The following MAP2K1 variants were observed in gnomAD, a reference collection of about 807,000 sequenced individuals.
MAP2K1 encodes mitogen-activated protein kinase kinase 1, also known as dual specificity mitogen-activated protein kinase kinase 1.
A neutral mutation model predicts 46.3 loss-of-function variants in MAP2K1; 16 were observed. The observed-to-expected ratio is 0.35, with a 90% confidence interval of 0.23 to 0.52. The LOEUF is 0.52. Ranked by LOEUF, MAP2K1 falls within the 20% of genes least tolerant of loss-of-function variation. MAP2K1 has a pLI of 0.94. For missense variants in MAP2K1, 263 were observed against 497.1 expected (o/e 0.53, Z 4.48); for synonymous variants, 183 against 185.6 (o/e 0.99, Z 0.11).
At chr15:66,485,921 C>T (rs1457454866) in intron 7 of MAP2K1, among the ~76,000 whole-genome samples, 1 of 151,392 alleles carries the variant, frequency 6.6e-6, no homozygotes, top group Non-Finnish European at 1.5e-5. Context: ...GTTTTTGATA[C>T]TGGGTCTTGC....
chr15:66,460,044 T>C (rs1303736696), intron 5 of MAP2K1, among the ~76,000 whole-genome samples: 1 of 152,196 alleles, frequency 6.6e-6, no homozygotes, highest in African/African-American at 2.4e-5. Flanking sequence ...ACACAGAAGG[T>C]TGCCCATGGT....
intron 1 of MAP2K1, among the ~76,000 whole-genome samples, chr15:66,420,823 A>G (rs113426722): frequency 0.65 from 42,937 of 65,722 alleles, 16,362 homozygotes; most frequent in East Asian, 0.78. Flanking sequence ...ATGTGTATAT[A>G]TATATGTGTA....
At chr15:66,490,326 G>T (rs776533846) in intron 10 of MAP2K1, 176 bp from the exon 11 acceptor site, 21 of 707,712 alleles carry the variant, frequency 3.0e-5, no homozygotes, top group Non-Finnish European at 5.2e-5. Context: ...GCTGTGACTG[G>T]TGGAGCAGGT....
chr15:66,459,309 CA>C (rs35580857), intron 5 of MAP2K1, among the ~76,000 whole-genome samples: 96,428 of 123,060 alleles, frequency 0.78, 38,268 homozygotes, highest in East Asian at 0.99. Context: ...GACTCTGTCT[CA>C]AAAAAAAAAA....
At position 66,387,526 on chromosome 15, in the gene MAP2K1, C is replaced by CG. The variant is rs1044147889; in HGVS notation, c.80+100dup. ...AGGCTCCGATCTGGTTTGTCACGTACGTCTGGGGCTGGCAGGGGGCGAGAA... is the reference window on the plus strand; with the variant it reads ...AGGCTCCGATCTGGTTTGTCACGTACGGTCTGGGGCTGGCAGGGGGCGAGAA... On this transcript the variant is annotated intron_variant, in intron 1 of 10. Transcript: ENST00000307102. 1.7e-5 allele frequency: 21 copies of CG among 1,224,388 alleles called. No individual in the cohort carries two copies. In the African/African-American group the frequency reaches 2.9e-4, roughly 17 times the overall value. 75.8% of individuals were successfully genotyped at this position (1,224,388 alleles called of 1,614,324 possible).
chr15:66,449,321 T>A (rs1239903838), intron 5 of MAP2K1, among the ~76,000 whole-genome samples: 6 of 152,286 alleles, frequency 3.9e-5, no homozygotes, highest in Non-Finnish European at 8.8e-5. Flanking sequence ...ATAACTTCGA[T>A]GAATCTCAAA....
At position 66,491,205 on chromosome 15, in the gene MAP2K1, G is replaced by C. The variant is rs568999981; in HGVS notation, c.*590G>C. ...GAGCCCTTCACTGCCATGATAGCTG[G>C]GGCTTCACCAGTCTGTCTACTGTGG... On this transcript the variant is annotated 3_prime_UTR_variant, in exon 11 of 11. Transcript: ENST00000307102. 2.3e-5 allele frequency: 6 copies of C among 258,920 alleles called. No individual in the cohort carries two copies. The highest frequency in any genetic ancestry group is 1.2e-3 in the Middle Eastern group (1 of 858). The allele number at this position is 258,920 out of a possible 1,614,324, so 16.0% of individuals were successfully genotyped here.
At chr15:66,462,203 T>C (rs1358725622) in intron 5 of MAP2K1, among the ~76,000 whole-genome samples, 1 of 152,058 alleles carries the variant, frequency 6.6e-6, no homozygotes, top group South Asian at 2.1e-4. Context: ...CTGGGGGTTA[T>C]AATGAAATAA....
intron 1 of MAP2K1, among the ~76,000 whole-genome samples, chr15:66,426,847 A>G (rs2093460390): frequency 6.6e-6 from 1 of 152,210 alleles, no homozygotes; most frequent in African/African-American, 2.4e-5. Flanking sequence ...TAATCCTAAC[A>G]TATCCTTCTG....
At chr15:66,439,331 T>C (rs2093497277) in intron 3 of MAP2K1, among the ~76,000 whole-genome samples, 2 of 152,230 alleles carry the variant, frequency 1.3e-5, no homozygotes. Flanking sequence ...CCCAACACTT[T>C]ATTATGAAAA....
At chr15:66,437,380 A>G (rs2093491118) in intron 3 of MAP2K1, among the ~76,000 whole-genome samples, 1 of 152,218 alleles carries the variant, frequency 6.6e-6, no homozygotes, top group South Asian at 2.1e-4. Flanking sequence ...AATTAATCAT[A>G]TGCATGTTAG....
intron 1 of MAP2K1, among the ~76,000 whole-genome samples, chr15:66,427,104 A>AGT (rs2093461248): frequency 6.6e-6 from 1 of 152,230 alleles, no homozygotes; most frequent in Non-Finnish European, 1.5e-5. Context: ...TAACTAAAGG[A>AGT]GTATATACAG....
At chr15:66,421,227 C>T (rs1381137197) in intron 1 of MAP2K1, among the ~76,000 whole-genome samples, 1 of 151,730 alleles carries the variant, frequency 6.6e-6, no homozygotes, top group Non-Finnish European at 1.5e-5. Context: ...CCTTGACCTC[C>T]CGGGTTCAAG....
chr15:66,428,129 A>T (rs962040407), intron 1 of MAP2K1, among the ~76,000 whole-genome samples: 1 of 152,162 alleles, frequency 6.6e-6, no homozygotes, highest in African/African-American at 2.4e-5. Flanking sequence ...GTATCATAAA[A>T]GCATAGTTGA....
intron 1 of MAP2K1, among the ~76,000 whole-genome samples, chr15:66,402,368 C>A (rs528018667): frequency 6.6e-6 from 1 of 152,324 alleles, no homozygotes; most frequent in Non-Finnish European, 1.5e-5. Context: ...TAGTGTCTTA[C>A]TGGAGTTTAC....
rs974639903 is a variant in MAP2K1 at position 66,402,087 on chromosome 15, G to T, written c.80+14660G>T. 6.6e-6 allele frequency: 6 copies of T among 904,626 alleles called. No homozygotes were observed. In the Middle Eastern group the frequency reaches 7.5e-4, roughly 112 times the overall value. The allele number at this position is 904,626 out of a possible 1,614,324, so 56.0% of individuals were successfully genotyped here. Reference sequence around the variant, plus strand: ...ATTTTGAAGTTTTATAAATGATGTGGTTACTACATTGTTCCATTGTGTGTA... The same window carrying T: ...ATTTTGAAGTTTTATAAATGATGTGTTTACTACATTGTTCCATTGTGTGTA... On this transcript the variant is annotated intron_variant, in intron 1 of 10. Coordinates refer to ENST00000307102, the MANE Select transcript of MAP2K1 (RefSeq NM_002755.4).
chr15:66,421,525 G>C (rs1199925330), intron 1 of MAP2K1, among the ~76,000 whole-genome samples: 2 of 151,764 alleles, frequency 1.3e-5, no homozygotes, highest in South Asian at 2.1e-4. Context: ...TTGTCGCTGG[G>C]TGCAGTGGTT....
intron 3 of MAP2K1, among the ~76,000 whole-genome samples, chr15:66,437,991 GT>G (rs2093492951): frequency 7.7e-6 from 1 of 130,100 alleles, no homozygotes; most frequent in East Asian, 2.2e-4. Flanking sequence ...TCAGGGAGCT[GT>G]TTCTTATCCC....
At chr15:66,478,300 CTG>C (rs1164912494) in intron 5 of MAP2K1, among the ~76,000 whole-genome samples, 14 of 141,578 alleles carry the variant, frequency 9.9e-5, no homozygotes, top group African/African-American at 3.7e-4. Context: ...CTATATATAC[CTG>C]TATATATATA....
Sources: allele counts gnomAD v4.1 joint callset (sites outside exome capture counted in the v4.1 genomes callset), GRCh38; gene constraint gnomAD v4.1.1; transcripts MANE v1.5; gene names NCBI Gene and HGNC (gene_info 2026-07-23, HGNC 2026-07-21).